Variants in SHISA9 observed in about 807,000 individuals in gnomAD.
SHISA9 encodes protein shisa-9.
Under a neutral mutation model 38.0 loss-of-function variants are expected in SHISA9, and 13 were observed. The observed-to-expected ratio is 0.34, with a 90% CI of 0.22 to 0.54. The LOEUF is 0.54. SHISA9 is among the 20% of genes least tolerant of loss of function. SHISA9 has a pLI of 0.91. For synonymous variants in SHISA9, 275 were observed against 242.0 expected (o/e 1.14, Z -1.27); for missense variants, 538 against 575.8 (o/e 0.93, Z 0.67).
chr16:13,182,367 G>C lies in SHISA9; in HGVS notation c.692-21027G>C, dbSNP rs540578076. Among the ~76,000 whole-genome samples the C allele has an allele frequency of 1.4e-3, 210 of 152,318 alleles. 1 individual carries two copies. Among genetic ancestry groups the C allele is most frequent in the African/African-American group, 4.8e-3 (200 of 41,560 alleles). On this transcript the variant is annotated intron_variant, in intron 2 of 4. Coordinates refer to ENST00000558583, the MANE Select transcript of SHISA9 (RefSeq NM_001145204.3). ...CCTCTGGGTTTAGGAATGTTTAGCT[G>C]AAAGAAGAACCTTTCCTTTCCTCTT...
the SHISA9 span, among the ~76,000 whole-genome samples, chr16:13,264,729 A>G: frequency 6.6e-6 from 1 of 152,174 alleles, no homozygotes; most frequent in African/African-American, 2.4e-5. Context: ...TAATAAAAGT[A>G]GAGTGAAAAA....
At chr16:13,215,856 G>A (rs114226941) in intron 4 of SHISA9, among the ~76,000 whole-genome samples, 2,379 of 152,218 alleles carry the variant, frequency 0.016, 58 homozygotes, top group African/African-American at 0.055. Context: ...GGGAGTTTGT[G>A]TGCCCCCACC....
At chr16:12,969,452 T>G (rs546400487) in intron 2 of SHISA9, among the ~76,000 whole-genome samples, 5 of 151,758 alleles carry the variant, frequency 3.3e-5, no homozygotes, top group African/African-American at 1.2e-4. Flanking sequence ...TCTGTAAGTG[T>G]TGTTCTCCAG....
chr16:13,413,071 C>G, the SHISA9 span, among the ~76,000 whole-genome samples: 23 of 152,218 alleles, frequency 1.5e-4, no homozygotes, highest in African/African-American at 5.3e-4. Context: ...ATTAACTCAC[C>G]TAGATCAGAT....
At chr16:13,214,045 C>T (rs1371469731) in intron 4 of SHISA9, among the ~76,000 whole-genome samples, 1 of 152,146 alleles carries the variant, frequency 6.6e-6, no homozygotes, top group Non-Finnish European at 1.5e-5. Flanking sequence ...GCAGTTTGAA[C>T]CTCTATCAGT....
intron 2 of SHISA9, among the ~76,000 whole-genome samples, chr16:13,079,763 A>G (rs190919218): frequency 1.5e-4 from 23 of 152,324 alleles, no homozygotes; most frequent in Admixed American, 4.6e-4. Context: ...TTCTATTGTC[A>G]TGACATTGTT....
At chr16:13,472,031 G>C in the SHISA9 span, among the ~76,000 whole-genome samples, 1 of 152,186 alleles carries the variant, frequency 6.6e-6, no homozygotes. Flanking sequence ...CTAGAGGAGC[G>C]TGTTCCATTT....
At chr16:13,391,288 A>G in the SHISA9 span, among the ~76,000 whole-genome samples, 1 of 152,218 alleles carries the variant, frequency 6.6e-6, no homozygotes, top group Non-Finnish European at 1.5e-5. Flanking sequence ...TAGTCTTGGT[A>G]TAATTCACTG....
At chr16:13,353,071 G>A in the SHISA9 span, among the ~76,000 whole-genome samples, 6 of 152,064 alleles carry the variant, frequency 3.9e-5, no homozygotes, top group African/African-American at 1.4e-4. Context: ...GTGTTGGGGC[G>A]GCGAAAATTT....
the SHISA9 span, among the ~76,000 whole-genome samples, chr16:13,430,242 A>G: frequency 6.6e-6 from 1 of 152,214 alleles, no homozygotes; most frequent in African/African-American, 2.4e-5. Flanking sequence ...CCCCTAACTG[A>G]TGAATACAGT....
At chr16:13,275,616 A>G in the SHISA9 span, among the ~76,000 whole-genome samples, 7 of 152,152 alleles carry the variant, frequency 4.6e-5, no homozygotes, top group East Asian at 1.4e-3. Flanking sequence ...CATGGGAGGT[A>G]TATATCCCTC....
At chr16:13,251,183 A>T in the SHISA9 span, among the ~76,000 whole-genome samples, 1 of 152,160 alleles carries the variant, frequency 6.6e-6, no homozygotes, top group Non-Finnish European at 1.5e-5. Flanking sequence ...TTGTGTGTGG[A>T]GATGCAGCAT....
At chr16:13,264,626 A>G in the SHISA9 span, among the ~76,000 whole-genome samples, 1 of 152,136 alleles carries the variant, frequency 6.6e-6, no homozygotes, top group Non-Finnish European at 1.5e-5. Flanking sequence ...TCTAAACAGA[A>G]TGTCTCTCTT....
chr16:13,305,698 C>T, the SHISA9 span, among the ~76,000 whole-genome samples: 2 of 151,958 alleles, frequency 1.3e-5, no homozygotes, highest in African/African-American at 2.4e-5. Flanking sequence ...AGATGAAGAC[C>T]GCAGCCTTGT....
chr16:13,013,104 TCTGTG>T (rs1416647311), intron 2 of SHISA9, among the ~76,000 whole-genome samples: 1 of 152,244 alleles, frequency 6.6e-6, no homozygotes, highest in Non-Finnish European at 1.5e-5. Context: ...CTTTCCATGA[TCTGTG>T]CTAGGATCAG....
At chr16:13,104,835 T>C (rs1237606589) in intron 2 of SHISA9, among the ~76,000 whole-genome samples, 1 of 152,216 alleles carries the variant, frequency 6.6e-6, no homozygotes, top group Non-Finnish European at 1.5e-5. Flanking sequence ...GTGAGTTTTA[T>C]GGTATGCAAA....
the SHISA9 span, among the ~76,000 whole-genome samples, chr16:13,356,424 G>A: frequency 1.3e-5 from 2 of 152,280 alleles, no homozygotes; most frequent in South Asian, 2.1e-4. Context: ...AAAGAAAAAG[G>A]AGCATTAACC....
At chr16:13,125,698 A>G (rs1247931190) in intron 2 of SHISA9, among the ~76,000 whole-genome samples, 2 of 146,000 alleles carry the variant, frequency 1.4e-5, no homozygotes, top group Non-Finnish European at 1.5e-5. Flanking sequence ...TCACAATTAG[A>G]AACCAAAATC....
the SHISA9 span, among the ~76,000 whole-genome samples, chr16:13,469,529 C>T: frequency 6.6e-6 from 1 of 152,006 alleles, no homozygotes; most frequent in Non-Finnish European, 1.5e-5. Flanking sequence ...GTGCAGATTT[C>T]CTATCATCTC....
Sources: gnomAD v4.1 joint callset for allele counts (sites outside exome capture counted in the v4.1 genomes callset) on GRCh38, gnomAD v4.1.1 for gene constraint, MANE v1.5 for transcripts, NCBI Gene and HGNC (gene_info 2026-07-23, HGNC 2026-07-21) for gene names.